EMILIN2: variants seen among roughly 807,000 people sequenced by gnomAD.
The protein encoded by EMILIN2 is elastin microfibril interfacer 2.
Under a neutral mutation model 87.1 loss-of-function variants are expected in EMILIN2, and 71 were observed. The observed-to-expected ratio is 0.82, with a 90% CI of 0.67 to 0.99. The LOEUF is 0.99. Among genes scored for constraint, EMILIN2 ranks in the 50% least tolerant of loss-of-function variants. The probability of loss-of-function intolerance (pLI) is 0.00; values close to 1 mark genes in which losing one functional copy is unlikely to be tolerated. For missense variants in EMILIN2, 1,407 were observed against 1,371.8 expected, an observed-to-expected ratio of 1.03 and a Z score of -0.40; for synonymous variants, 581 against 563.4, an observed-to-expected ratio of 1.03 and a Z score of -0.44.
In EMILIN2 at chr18:2,892,374, G is replaced by A. The variant is rs368852644; in HGVS notation, c.2247G>A (p.Arg749=). The change falls in exon 4 of 8, where the codon AGG becomes AGA. Residue 749 remains arginine (R), a synonymous_variant. Transcript: ENST00000254528. ...NCVRQMNGTL[R]SHSRDISGLK... ...TCAGGCAGATGAACGGAACGCTCAG[G>A]TCGCATTCCAGAGACATTTCTGGCC... is the stretch of plus-strand genomic sequence containing the variant. The A allele has an allele frequency of 1.9e-6, 3 of 1,614,038 alleles. No homozygotes were observed. The highest frequency in any genetic ancestry group is 2.5e-6 in the Non-Finnish European group (3 of 1,180,048).
At position 2,848,029 on chromosome 18, in the gene EMILIN2, T is replaced by G; in HGVS notation, c.257+98T>G. On this transcript the variant is annotated intron_variant, in intron 2 of 7. Transcript: ENST00000254528. The surrounding 1 kb of genome is among the most constrained non-coding windows in gnomAD (Gnocchi z 4.1). Reference sequence around the variant, plus strand: ...GCTGGGCTCCAGTCCCTCCGGTAAATCCCTTCCAGATCCGGTGAAAAGCCC... The same window carrying G: ...GCTGGGCTCCAGTCCCTCCGGTAAAGCCCTTCCAGATCCGGTGAAAAGCCC... 3 of 1,361,360 alleles carry G rather than the reference T, an allele frequency of 2.2e-6. No individual in the cohort carries two copies. The highest frequency in any genetic ancestry group is 2.9e-6 in the Non-Finnish European group (3 of 1,030,162). 84.3% of individuals were successfully genotyped at this position (1,361,360 alleles called of 1,614,324 possible). A position where few individuals can be genotyped will look rare whatever the true frequency, so the allele number is the denominator to read the frequency against.
chr18:2,913,041 C>G (rs1218217212), intron 7 of EMILIN2, 26 bp from the exon 8 acceptor site: 8 of 1,602,930 alleles, frequency 5.0e-6, no homozygotes, highest in Non-Finnish European at 6.8e-6. Context: ...AGCAGGTGAG[C>G]ACAGGGTTTG....
chr18:2,853,186 T>C (rs1181687395), intron 2 of EMILIN2, among the ~76,000 whole-genome samples: 1 of 152,220 alleles, frequency 6.6e-6, no homozygotes, highest in African/African-American at 2.4e-5. Context: ...GAGGTAATTG[T>C]TTTACTTTAT....
intron 2 of EMILIN2, among the ~76,000 whole-genome samples, chr18:2,873,475 A>G (rs1379982186): frequency 6.6e-6 from 1 of 151,928 alleles, no homozygotes; most frequent in East Asian, 1.9e-4. Context: ...TGGGAGGCCG[A>G]GGCGGGTGGA....
intron 4 of EMILIN2, among the ~76,000 whole-genome samples, chr18:2,900,378 A>G (rs988013340): frequency 1.3e-5 from 2 of 152,166 alleles, no homozygotes; most frequent in Non-Finnish European, 2.9e-5. Context: ...TTGTCGAGAC[A>G]GAGTCTGGCT....
intron 4 of EMILIN2, among the ~76,000 whole-genome samples, chr18:2,905,705 T>C (rs947400716): frequency 1.3e-5 from 2 of 151,566 alleles, no homozygotes; most frequent in Admixed American, 1.3e-4. Flanking sequence ...TGGGTTCAAG[T>C]GATTCTCCTG....
At chr18:2,893,286 G>A (rs561925377) in intron 4 of EMILIN2, among the ~76,000 whole-genome samples, 12 of 152,070 alleles carry the variant, frequency 7.9e-5, no homozygotes, top group Admixed American at 3.3e-4. Context: ...AGTCTCCTAC[G>A]TACCTCTCTT....
At chr18:2,857,474 C>T (rs1332458751) in intron 2 of EMILIN2, among the ~76,000 whole-genome samples, 6 of 152,136 alleles carry the variant, frequency 3.9e-5, no homozygotes, top group Non-Finnish European at 8.8e-5. Flanking sequence ...AGGTAAAGAC[C>T]TAAAAGTGTT....
rs1362783069 is a variant in EMILIN2, at chr18:2,847,334, C to T, written c.134+12C>T. On this transcript the variant is annotated intron_variant, in intron 1 of 7. Coordinates refer to ENST00000254528, the MANE Select transcript of EMILIN2 (RefSeq NM_032048.3). The surrounding 1 kb of genome is among the most constrained non-coding windows in gnomAD (Gnocchi z 4.5). ...AGCGCCAGGAACAAGTAAGTGCGCG[C>T]CCCTTGGCTGGCCCCAAACCGCCTA... is the stretch of plus-strand genomic sequence containing the variant. 20 of 1,309,206 alleles carry T rather than the reference C, an allele frequency of 1.5e-5. No individual in the cohort carries two copies. Among genetic ancestry groups the T allele is most frequent in the African/African-American group, 7.8e-5 (5 of 64,394 alleles). The allele number at this position is 1,309,206 out of a possible 1,614,324, so 81.1% of individuals were successfully genotyped here.
At chr18:2,899,740 G>A (rs1423441340) in intron 4 of EMILIN2, among the ~76,000 whole-genome samples, 1 of 152,096 alleles carries the variant, frequency 6.6e-6, no homozygotes. Context: ...CTGACCTCAG[G>A]TGATCCATCC....
chr18:2,880,694 A>T lies in EMILIN2; in HGVS notation c.258-4270A>T, dbSNP rs535519403. Among the ~76,000 whole-genome samples the T allele has an allele frequency of 6.6e-6, 1 of 152,042 alleles. No homozygotes were observed. Among genetic ancestry groups the T allele is most frequent in the South Asian group, 2.1e-4 (1 of 4,822 alleles). On this transcript the variant is annotated intron_variant, in intron 2 of 7. Coordinates refer to ENST00000254528, the MANE Select transcript of EMILIN2 (RefSeq NM_032048.3). The surrounding 1 kb of genome is among the most constrained non-coding windows in gnomAD (Gnocchi z 4.1). ...CCCCCACACTGCAGTTAGTTGACTG[A>T]TTCTGTATCGAGTGAGCATCTCCCG... is the stretch of plus-strand genomic sequence containing the variant.
At chr18:2,869,340 G>T (rs1391950459) in intron 2 of EMILIN2, among the ~76,000 whole-genome samples, 1 of 151,572 alleles carries the variant, frequency 6.6e-6, no homozygotes, top group Non-Finnish European at 1.5e-5. Flanking sequence ...ATTTGAAGTT[G>T]TACAGTTTAA....
intron 3 of EMILIN2, among the ~76,000 whole-genome samples, chr18:2,887,168 A>T (rs532433623): frequency 6.6e-6 from 1 of 152,302 alleles, no homozygotes; most frequent in South Asian, 2.1e-4. Flanking sequence ...TTTTGACAAT[A>T]GTGCTCAGTT....
rs117439426 is a variant in EMILIN2 at position 2,899,528 on chromosome 18, G to A, written c.2359+7042G>A. On this transcript the variant is annotated intron_variant, in intron 4 of 7. Transcript: ENST00000254528. ...TCTTGCTATTTTATTTTTTTTCAGC[G>A]GAGTCTTGCTCTGTCACCCAGGCTG... Among the ~76,000 whole-genome samples the A allele has an allele frequency of 8.5e-4, 128 of 151,346 alleles. 1 individual carries two copies. In the East Asian group the frequency reaches 0.02, roughly 23 times the overall value.
At chr18:2,900,863 T>A (rs903734479) in intron 4 of EMILIN2, among the ~76,000 whole-genome samples, 10 of 152,108 alleles carry the variant, frequency 6.6e-5, no homozygotes, top group Admixed American at 3.9e-4. Flanking sequence ...ACTTTGATGC[T>A]TTTTTTAAAA....
At chr18:2,882,847 TA>T (rs2076783648) in intron 2 of EMILIN2, among the ~76,000 whole-genome samples, 1 of 150,782 alleles carries the variant, frequency 6.6e-6, no homozygotes, top group South Asian at 2.1e-4. Context: ...CGCGCCATTG[TA>T]CTCCAGCCTG....
intron 3 of EMILIN2, among the ~76,000 whole-genome samples, chr18:2,887,967 GGA>G (rs1407153604): frequency 1.3e-5 from 2 of 151,906 alleles, no homozygotes; most frequent in African/African-American, 4.8e-5. Flanking sequence ...CACTCGACCT[GGA>G]ACTTATTTTT....
At chr18:2,852,292 T>C (rs2076605377) in intron 2 of EMILIN2, among the ~76,000 whole-genome samples, 1 of 152,170 alleles carries the variant, frequency 6.6e-6, no homozygotes, top group South Asian at 2.1e-4. Flanking sequence ...CACTGGCAGA[T>C]TGAACGCTTA....
chr18:2,888,587 C>T (rs980317841), intron 3 of EMILIN2, among the ~76,000 whole-genome samples: 1 of 151,718 alleles, frequency 6.6e-6, no homozygotes, highest in Non-Finnish European at 1.5e-5. Context: ...TGGTGGTGGG[C>T]ACCTGTAGTC....
Sources: allele counts gnomAD v4.1 joint callset (sites outside exome capture counted in the v4.1 genomes callset), GRCh38; gene constraint gnomAD v4.1.1; non-coding constraint Gnocchi (gnomAD v3.1); transcripts MANE v1.5; gene names NCBI Gene and HGNC (gene_info 2026-07-23, HGNC 2026-07-21).